The following UXS1 variants were observed in gnomAD, a reference collection of about 807,000 sequenced individuals.
The protein encoded by UXS1 is UDP-glucuronate decarboxylase 1, also known as UDP-glucuronic acid decarboxylase 1.
UXS1 carries 33 observed loss-of-function variants against 62.6 expected under a neutral mutation model. The ratio of observed to expected loss-of-function variants is 0.53; its 90% CI spans 0.40 to 0.70. The LOEUF (loss-of-function observed/expected upper bound fraction) is 0.70. Ranked by LOEUF, UXS1 falls within the 30% of genes least tolerant of loss-of-function variation. The probability of loss-of-function intolerance (pLI) is 0.00; values close to 1 mark genes in which losing one functional copy is unlikely to be tolerated. For missense variants in UXS1, 434 were observed against 556.3 expected, an observed-to-expected ratio of 0.78 and a Z score of 2.21; for synonymous variants, 213 against 206.8, an observed-to-expected ratio of 1.03 and a Z score of -0.26.
chr2:106,097,084 C>G lies in UXS1; in HGVS notation c.1043-263G>C, dbSNP rs560710950. On this transcript the variant is annotated intron_variant, in intron 13 of 14. Transcript: ENST00000283148. The stretch of plus-strand genomic sequence containing the variant: ...CGGTGGGGGGCAGGTTATTCTGTCT[C>G]AACAGGCCTGAGTTACCGCCCACTA... The G allele has an allele frequency of 2.5e-3, 1,462 of 592,500 alleles. 4 individuals are homozygous for G. Among genetic ancestry groups the G allele is most frequent in the Non-Finnish European group, 3.9e-3 (1,240 of 315,446 alleles). 36.7% of individuals were successfully genotyped at this position (592,500 alleles called of 1,614,324 possible).
intron 6 of UXS1, among the ~76,000 whole-genome samples, chr2:106,137,423 C>T (rs957821403): frequency 6.6e-6 from 1 of 152,160 alleles, no homozygotes; most frequent in Non-Finnish European, 1.5e-5. Flanking sequence ...CAGAAACAGG[C>T]ACTGTGCTGC....
At chr2:106,108,496 T>A (rs1261761090) in intron 10 of UXS1, among the ~76,000 whole-genome samples, 2 of 152,174 alleles carry the variant, frequency 1.3e-5, no homozygotes, top group Admixed American at 1.3e-4. Context: ...GGCATGAGTA[T>A]CACAGGGATC....
chr2:106,106,191 C>T (rs887605197), intron 10 of UXS1, among the ~76,000 whole-genome samples: 3 of 152,030 alleles, frequency 2.0e-5, no homozygotes, highest in African/African-American at 7.2e-5. Context: ...ATGGAGAAAC[C>T]CTGTCTCTGC....
At chr2:106,136,965 C>CAAAAAAAAAAAAAAAAA (rs397701050) in intron 6 of UXS1, among the ~76,000 whole-genome samples, 5 of 54,154 alleles carry the variant, frequency 9.2e-5, no homozygotes, top group East Asian at 5.8e-4. Context: ...AGAACACACA[C>CAAAAAAAAAAAAAAAAA]AAAAAAAAAA....
At position 106,094,091 on chromosome 2, in the gene UXS1, T is replaced by A. The variant is rs548322158; in HGVS notation, c.1213A>T (p.Asn405Tyr). ...YFRKELEYQANNQYIPKPKPA... is the reference protein window; with the variant it reads ...YFRKELEYQAYNQYIPKPKPA... ...TTTGGTTTGGGGATGTACTGATTAT[T>A]TGCCTGGTACTCGAGTTCTTTACGG... is the stretch of plus-strand genomic sequence containing the variant. The change falls in exon 15 of 15, where the codon AAT (asparagine) becomes TAT (tyrosine). Residue 405 changes from asparagine to tyrosine, a missense_variant. Transcript: ENST00000283148. The A allele has an allele frequency of 6.2e-7, 1 of 1,613,676 alleles. No individual in the cohort carries two copies. The highest frequency in any genetic ancestry group is 1.7e-5 in the Admixed American group (1 of 59,938).
At chr2:106,153,694 A>C (rs1169447329) in intron 5 of UXS1, among the ~76,000 whole-genome samples, 2 of 152,160 alleles carry the variant, frequency 1.3e-5, no homozygotes, top group African/African-American at 4.8e-5. Context: ...TAAACAGAAA[A>C]AACAACAAAG....
At chr2:106,103,987 T>C (rs1437224919) in intron 11 of UXS1, among the ~76,000 whole-genome samples, 1 of 151,604 alleles carries the variant, frequency 6.6e-6, no homozygotes, top group East Asian at 1.9e-4. Context: ...ACAGCCACCA[T>C]CTCACCCTAG....
intron 6 of UXS1, among the ~76,000 whole-genome samples, chr2:106,137,966 C>A (rs1680798093): frequency 6.6e-6 from 1 of 152,146 alleles, no homozygotes; most frequent in African/African-American, 2.4e-5. Context: ...GACAGGGTCA[C>A]CCTACATTCC....
Position 106,151,011 on chromosome 2 carries a change from C to T in UXS1, c.292-5641G>A, listed in dbSNP as rs145732385. Among the ~76,000 whole-genome samples, 1,428 of 152,292 alleles carry T rather than the reference C, an allele frequency of 9.4e-3. 7 individuals carry two copies. The highest frequency in any genetic ancestry group is 0.015 in the Non-Finnish European group (1,017 of 68,022). On this transcript the variant is annotated intron_variant, in intron 5 of 14. Coordinates refer to ENST00000283148, the MANE Select transcript of UXS1 (RefSeq NM_001253875.2). The stretch of plus-strand genomic sequence containing the variant: ...TTTTGGACTTACTTGGGACCAGTTA[C>T]CCTGTTCTTTCCTATTTCTCTCTTT...
intron 1 of UXS1, among the ~76,000 whole-genome samples, chr2:106,174,539 A>G (rs1683757056): frequency 6.6e-6 from 1 of 152,260 alleles, no homozygotes; most frequent in Admixed American, 6.5e-5. Flanking sequence ...AGCAACCCAC[A>G]TGAAGATGTC....
chr2:106,173,288 G>A (rs1166505387), intron 1 of UXS1, among the ~76,000 whole-genome samples: 1 of 152,230 alleles, frequency 6.6e-6, no homozygotes, highest in African/African-American at 2.4e-5. Context: ...TAGGCTGGGT[G>A]TGGTGGCTGA....
At chr2:106,165,873 C>A (rs1465612149) in intron 2 of UXS1, among the ~76,000 whole-genome samples, 183 bp downstream of exon 2, 1 of 152,146 alleles carries the variant, frequency 6.6e-6, no homozygotes, top group East Asian at 1.9e-4. Flanking sequence ...TTGTTAAAAT[C>A]AGCTGCATTC....
intron 10 of UXS1, among the ~76,000 whole-genome samples, chr2:106,108,141 A>T (rs902354534): frequency 1.3e-5 from 2 of 152,224 alleles, no homozygotes; most frequent in African/African-American, 4.8e-5. Flanking sequence ...GCTGGATTTC[A>T]GTTTCTATAG....
chr2:106,136,965 C>CAAAAAAA (rs397701050), intron 6 of UXS1, among the ~76,000 whole-genome samples: 84 of 54,118 alleles, frequency 1.6e-3, no homozygotes, highest in Non-Finnish European at 1.8e-3. Context: ...AGAACACACA[C>CAAAAAAA]AAAAAAAAAA....
Position 106,145,358 on chromosome 2 carries a change from C to T in UXS1, c.304G>A (p.Ala102Thr). 1 of 1,612,794 alleles carries T rather than the reference C, an allele frequency of 6.2e-7. No homozygotes were observed. The highest frequency in any genetic ancestry group is 1.7e-5 in the Admixed American group (1 of 59,862). The change falls in exon 6 of 15, where the codon GCA becomes ACA. Residue 102 changes from alanine to threonine, a missense_variant. Transcript: ENST00000283148. ...GTTAGATGGGAGCCCACGAACCCTG[C>T]GCCTCCTGTTATCTGCATCCGGACA... ...DRKRILITGG[A>T]GFVGSHLTDK...
At chr2:106,094,466 C>T (rs1676918602) in intron 14 of UXS1, among the ~76,000 whole-genome samples, 1 of 152,224 alleles carries the variant, frequency 6.6e-6, no homozygotes. Context: ...ATAATGTCTA[C>T]TCCAGTTTGA....
chr2:106,117,553 G>T (rs938334539), intron 9 of UXS1, among the ~76,000 whole-genome samples: 1 of 152,124 alleles, frequency 6.6e-6, no homozygotes, highest in Non-Finnish European at 1.5e-5. Context: ...CACTATATTC[G>T]CTGACGGAAG....
intron 1 of UXS1, among the ~76,000 whole-genome samples, chr2:106,188,609 G>T (rs1010975614): frequency 3.9e-5 from 6 of 152,250 alleles, no homozygotes; most frequent in Non-Finnish European, 7.3e-5. Context: ...CTGGGCTCCA[G>T]GATGCAGGCA....
intron 11 of UXS1, among the ~76,000 whole-genome samples, chr2:106,103,468 G>A (rs1220580315): frequency 2.6e-5 from 4 of 152,168 alleles, no homozygotes; most frequent in African/African-American, 4.8e-5. Context: ...GGATAAGAAC[G>A]CGTCACTATG....
Sources: allele counts gnomAD v4.1 joint callset (sites outside exome capture counted in the v4.1 genomes callset), GRCh38; gene constraint gnomAD v4.1.1; transcripts MANE v1.5; gene names NCBI Gene and HGNC (gene_info 2026-07-23, HGNC 2026-07-21).